Variants in COL24A1 observed in about 807,000 individuals in gnomAD.
COL24A1 encodes collagen type XXIV alpha 1 chain.
A neutral mutation model predicts 253.9 loss-of-function variants in COL24A1; 224 were observed. That is an observed-to-expected ratio of 0.88 (90% confidence interval 0.79 to 0.99). The LOEUF (loss-of-function observed/expected upper bound fraction) is 0.99. Ranked by LOEUF, COL24A1 falls within the 50% of genes least tolerant of loss-of-function variation. COL24A1 has a pLI of 0.00. For synonymous variants in COL24A1, 685 were observed against 673.7 expected, an observed-to-expected ratio of 1.02 and a Z score of -0.26; for missense variants, 2,131 against 2,068.5, an observed-to-expected ratio of 1.03 and a Z score of -0.59.
chr1:86,058,768 T>C (rs1319612001), intron 9 of COL24A1, among the ~76,000 whole-genome samples: 1 of 152,124 alleles, frequency 6.6e-6, no homozygotes, highest in Admixed American at 6.5e-5. Flanking sequence ...TAAAAAATGA[T>C]GTTTATTACA....
chr1:85,747,701 A>C (rs1410152406), intron 55 of COL24A1, among the ~76,000 whole-genome samples: 1 of 152,194 alleles, frequency 6.6e-6, no homozygotes, highest in Non-Finnish European at 1.5e-5. Flanking sequence ...GTAGTAGGAA[A>C]AAAGAAAAGT....
chr1:86,013,206 C>A (rs368653005), intron 19 of COL24A1, among the ~76,000 whole-genome samples: 1 of 152,086 alleles, frequency 6.6e-6, no homozygotes, highest in African/African-American at 2.4e-5. Context: ...TTAACTTAAA[C>A]CTTTTATCAC....
At chr1:85,803,809 T>C (rs1052539894) in intron 47 of COL24A1, among the ~76,000 whole-genome samples, 1 of 152,224 alleles carries the variant, frequency 6.6e-6, no homozygotes, top group African/African-American at 2.4e-5. Flanking sequence ...GTTTTACTTC[T>C]TCTATTCCAA....
chr1:85,856,386 G>A (rs530299399), intron 37 of COL24A1, among the ~76,000 whole-genome samples: 19 of 152,224 alleles, frequency 1.2e-4, no homozygotes, highest in Admixed American at 1.2e-3. Flanking sequence ...ATTCTTGTAT[G>A]TTGTATCACT....
chr1:85,849,376 G>C lies in COL24A1; in HGVS notation c.3331C>G (p.Gln1111Glu). Residue 1111 changes from glutamine to glutamate, a missense_variant, in exon 38 of 60, where the codon CAA becomes GAA. Gln to Glu is a conservative substitution (Grantham distance 29). Coordinates refer to ENST00000370571, the MANE Select transcript of COL24A1 (RefSeq NM_152890.7). Reference sequence around the variant, plus strand: ...ACCTTTTTTCCTGGACGACCTCTTTGCCCTGGAATTCCCACAATTCCTTCA... The same window carrying C: ...ACCTTTTTTCCTGGACGACCTCTTTCCCCTGGAATTCCCACAATTCCTTCA... The part of the protein sequence containing the change: ...GPEGIVGIPG[Q>E]RGRPGKKGDK... 6.2e-7 allele frequency: 1 copy of C among 1,612,494 alleles called. No individual in the cohort carries two copies. The highest frequency in any genetic ancestry group is 1.1e-5 in the South Asian group (1 of 90,870).
chr1:85,940,888 A>C (rs961049177), intron 24 of COL24A1, among the ~76,000 whole-genome samples: 1 of 152,224 alleles, frequency 6.6e-6, no homozygotes, highest in African/African-American at 2.4e-5. Flanking sequence ...TAGAAAGGCA[A>C]CTTGTGCTGT....
At chr1:85,835,532 C>T (rs942636103) in intron 43 of COL24A1, among the ~76,000 whole-genome samples, 1 of 151,974 alleles carries the variant, frequency 6.6e-6, no homozygotes, top group African/African-American at 2.4e-5. Context: ...TGACTTTGGT[C>T]AAAGATGTTT....
chr1:85,951,715 A>C (rs1689952321), intron 24 of COL24A1, among the ~76,000 whole-genome samples: 1 of 152,136 alleles, frequency 6.6e-6, no homozygotes, highest in South Asian at 2.1e-4. Flanking sequence ...CATTTATATC[A>C]TCTTGGTCTT....
At chr1:86,145,829 T>C (rs941412385) in intron 2 of COL24A1, among the ~76,000 whole-genome samples, 2 of 152,064 alleles carry the variant, frequency 1.3e-5, no homozygotes, top group African/African-American at 4.8e-5. Context: ...GAACTCCCAC[T>C]TAAAATGAAG....
Position 85,917,444 on chromosome 1 carries a change from A to G in COL24A1, c.2563-6011T>C, listed in dbSNP as rs377252268. Among the ~76,000 whole-genome samples the G allele has an allele frequency of 5.3e-5, 8 of 152,096 alleles. No individual in the cohort carries two copies. In the East Asian group the frequency reaches 1.5e-3, roughly 29 times the overall value. ...TAGTTCTTATCCATGTCCTTTGCTC[A>G]ACTTATTTTTTCCCATTAAGATTTC... On this transcript the variant is annotated intron_variant, in intron 24 of 59. Transcript: ENST00000370571.
chr1:86,138,044 C>A (rs950268782), intron 2 of COL24A1, among the ~76,000 whole-genome samples: 7 of 152,142 alleles, frequency 4.6e-5, no homozygotes, highest in African/African-American at 1.7e-4. Flanking sequence ...TCCAGCCAAA[C>A]TAGTATTTTC....
chr1:86,110,777 C>G (rs1272329838), intron 5 of COL24A1, among the ~76,000 whole-genome samples: 1 of 152,170 alleles, frequency 6.6e-6, no homozygotes, highest in African/African-American at 2.4e-5. Context: ...ACCGCCTGCC[C>G]GCAGGGCAGG....
intron 47 of COL24A1, among the ~76,000 whole-genome samples, chr1:85,807,073 C>A (rs534607383): frequency 5.3e-5 from 8 of 152,342 alleles, no homozygotes; most frequent in East Asian, 3.9e-4. Context: ...CTCTGAACCT[C>A]TAATCCTGCT....
At chr1:86,065,112 G>T (rs1701375152) in intron 7 of COL24A1, among the ~76,000 whole-genome samples, 1 of 152,186 alleles carries the variant, frequency 6.6e-6, no homozygotes, top group Non-Finnish European at 1.5e-5. Context: ...GTGTGAGCTG[G>T]AAGTTTCCTG....
chr1:85,791,820 C>A (rs1670304133), intron 47 of COL24A1, among the ~76,000 whole-genome samples: 1 of 152,000 alleles, frequency 6.6e-6, no homozygotes, highest in Non-Finnish European at 1.5e-5. Context: ...AAAATTCTTA[C>A]AATAGGGAAC....
chr1:85,871,840 C>G (rs1680536747), intron 35 of COL24A1, among the ~76,000 whole-genome samples: 1 of 152,142 alleles, frequency 6.6e-6, no homozygotes, highest in Non-Finnish European at 1.5e-5. Flanking sequence ...GTTGGAAGTT[C>G]TGGCCAGGGC....
At chr1:85,789,063 T>C (rs1670005008) in intron 47 of COL24A1, among the ~76,000 whole-genome samples, 2 of 152,238 alleles carry the variant, frequency 1.3e-5, no homozygotes, top group Admixed American at 6.5e-5. Flanking sequence ...TTGCTTCATA[T>C]GAATTTTAAA....
intron 28 of COL24A1, among the ~76,000 whole-genome samples, chr1:85,897,271 T>G (rs561796577): frequency 3.1e-4 from 47 of 150,970 alleles, no homozygotes; most frequent in African/African-American, 1.1e-3. Flanking sequence ...GGGGAGGGAG[T>G]GTATCAGGAA....
intron 24 of COL24A1, among the ~76,000 whole-genome samples, chr1:85,951,310 C>T (rs1299745014): frequency 6.6e-6 from 1 of 151,360 alleles, no homozygotes. Flanking sequence ...GATGAAAGTG[C>T]TGAAAAGGCT....
Sources: allele counts gnomAD v4.1 joint callset (sites outside exome capture counted in the v4.1 genomes callset), GRCh38; gene constraint gnomAD v4.1.1; transcripts MANE v1.5; gene names NCBI Gene and HGNC (gene_info 2026-07-23, HGNC 2026-07-21).